RBFOX3: variants seen among roughly 807,000 people sequenced by gnomAD.
RBFOX3 encodes RNA binding protein fox-1 homolog 3.
In RBFOX3, 17 loss-of-function variants were observed where a neutral mutation model predicts 48.7. The observed-to-expected ratio is 0.35, with a 90% CI of 0.24 to 0.52. RBFOX3 has a LOEUF of 0.52. Ranked by LOEUF, RBFOX3 falls within the 20% of genes least tolerant of loss-of-function variation. The pLI is 0.94. For missense variants in RBFOX3, 382 were observed against 497.5 expected (o/e 0.77, Z 2.21); for synonymous variants, 212 against 209.5 (o/e 1.01, Z -0.10).
chr17:79,291,021 C>A (rs115813425), intron 3 of RBFOX3, among the ~76,000 whole-genome samples: 1 of 152,202 alleles, frequency 6.6e-6, no homozygotes, highest in Non-Finnish European at 1.5e-5. Context: ...GTGCTTCCCA[C>A]CCCTCTCCTG....
At chr17:79,367,024 C>A (rs114584897) in intron 2 of RBFOX3, among the ~76,000 whole-genome samples, 1 of 152,202 alleles carries the variant, frequency 6.6e-6, no homozygotes, top group Admixed American at 6.5e-5. Context: ...TCCAGAGCTA[C>A]GCAGAGGTCT....
intron 4 of RBFOX3, among the ~76,000 whole-genome samples, chr17:79,186,001 G>A (rs1162591033): frequency 2.6e-5 from 4 of 152,182 alleles, no homozygotes; most frequent in African/African-American, 9.7e-5. Flanking sequence ...CTGGGGTGTG[G>A]CCAGGGAAGG....
At chr17:79,503,837 G>T (rs1024785647) in intron 1 of RBFOX3, among the ~76,000 whole-genome samples, 26 of 152,350 alleles carry the variant, frequency 1.7e-4, no homozygotes, top group African/African-American at 3.8e-4. Flanking sequence ...CTGAAGGAGG[G>T]TGTTTGCCTG....
chr17:79,623,820 C>G, the RBFOX3 span, among the ~76,000 whole-genome samples: 1 of 129,480 alleles, frequency 7.7e-6, no homozygotes, highest in Admixed American at 7.2e-5. Flanking sequence ...TAAACTCTGT[C>G]TCTAAAAAAA....
At chr17:79,184,815 G>C (rs1438580101) in intron 4 of RBFOX3, among the ~76,000 whole-genome samples, 1 of 152,206 alleles carries the variant, frequency 6.6e-6, no homozygotes, top group Non-Finnish European at 1.5e-5. Context: ...GGAGATGGCT[G>C]GCCCGGCAGT....
rs1008816695 is a variant in RBFOX3, at chr17:79,091,915, C to T, written c.1078-1030G>A. On this transcript the variant is annotated intron_variant, in intron 14 of 14. Coordinates refer to ENST00000693108, the MANE Select transcript of RBFOX3 (RefSeq NM_001350451.2). ...CGTGACCACAGCAGTTTGCACACCA[C>T]GCGACACGCTTGTGACTACGTCGGC... 42 of 970,384 alleles carry T rather than the reference C, an allele frequency of 4.3e-5. No individual in the cohort carries two copies. In the African/African-American group the frequency reaches 6.0e-4, roughly 14 times the overall value. The allele number at this position is 970,384 out of a possible 1,614,324, so 60.1% of individuals were successfully genotyped here.
At chr17:79,180,009 AG>A (rs1217564766) in intron 4 of RBFOX3, among the ~76,000 whole-genome samples, 2 of 152,240 alleles carry the variant, frequency 1.3e-5, no homozygotes, top group Non-Finnish European at 2.9e-5. Context: ...AGTGTGGCCC[AG>A]GGTCACCCCT....
intron 1 of RBFOX3, among the ~76,000 whole-genome samples, chr17:79,493,105 C>T (rs1235194805): frequency 3.3e-5 from 5 of 152,082 alleles, no homozygotes; most frequent in African/African-American, 1.2e-4. Flanking sequence ...TCTCAGGAAG[C>T]TTCCACTCAT....
chr17:79,295,020 G>T (rs1325652538), intron 3 of RBFOX3, among the ~76,000 whole-genome samples: 1 of 152,134 alleles, frequency 6.6e-6, no homozygotes, highest in African/African-American at 2.4e-5. Context: ...CTTCCACTTC[G>T]ATCGTGATGT....
At chr17:79,168,006 C>G (rs1472761304) in intron 4 of RBFOX3, among the ~76,000 whole-genome samples, 1 of 152,246 alleles carries the variant, frequency 6.6e-6, no homozygotes, top group South Asian at 2.1e-4. Flanking sequence ...GGGTCCCCGG[C>G]TGGACCCCAG....
chr17:79,542,265 G>A (rs1044807292), intron 1 of RBFOX3, among the ~76,000 whole-genome samples: 9 of 152,156 alleles, frequency 5.9e-5, no homozygotes, highest in East Asian at 5.8e-4. Flanking sequence ...AAAAGGCAGC[G>A]GCTTCACCCT....
Position 79,090,854 on chromosome 17 carries a change from A to G in RBFOX3, c.*29T>C. 1.3e-6 allele frequency: 2 copies of G among 1,503,924 alleles called. No homozygotes were observed. The highest frequency in any genetic ancestry group is 1.3e-5 in the South Asian group (1 of 77,278). The allele number at this position is 1,503,924 out of a possible 1,614,324, so 93.2% of individuals were successfully genotyped here. On this transcript the variant is annotated 3_prime_UTR_variant, in exon 15 of 15. Transcript: ENST00000693108. ...TTTTGTTTTTTTGTTTTTGCCCTTC[A>G]TGGTCCGAGAAGGAAACGGTGGAAG...
intron 3 of RBFOX3, among the ~76,000 whole-genome samples, chr17:79,286,516 C>T (rs1291131917): frequency 6.6e-6 from 1 of 152,186 alleles, no homozygotes; most frequent in Non-Finnish European, 1.5e-5. Flanking sequence ...CACGCCCGGC[C>T]CCTGATGCTT....
chr17:79,621,861 A>T, the RBFOX3 span, among the ~76,000 whole-genome samples: 8,241 of 151,622 alleles, frequency 0.054, 743 homozygotes, highest in African/African-American at 0.19. Flanking sequence ...ACCCGTGTGA[A>T]GACACACACA....
chr17:79,577,069 T>C (rs2092887350), intron 1 of RBFOX3, among the ~76,000 whole-genome samples: 1 of 152,176 alleles, frequency 6.6e-6, no homozygotes. Context: ...ACTCACAGCA[T>C]GGAGGTCTCA....
intron 4 of RBFOX3, among the ~76,000 whole-genome samples, chr17:79,161,398 C>G (rs148136567): frequency 1.3e-5 from 2 of 152,334 alleles, no homozygotes; most frequent in Non-Finnish European, 2.9e-5. Context: ...GCACACACCC[C>G]GATCCCATCA....
At position 79,477,469 on chromosome 17, in the gene RBFOX3, T is replaced by C. The variant is rs1465496779; in HGVS notation, c.-175+4985A>G. Among the ~76,000 whole-genome samples the C allele has an allele frequency of 4.0e-5, 6 of 151,040 alleles. No individual in the cohort carries two copies. Among genetic ancestry groups the C allele is most frequent in the Admixed American group, 6.6e-5 (1 of 15,162 alleles). On this transcript the variant is annotated intron_variant, in intron 2 of 14. Coordinates refer to ENST00000693108, the MANE Select transcript of RBFOX3 (RefSeq NM_001350451.2). This position sits in a 1 kb window ranked among gnomAD's most constrained non-coding sequence, Gnocchi z 4.8. ...TACTTGGGAGGCTGAGGCAGGAGAA[T>C]GGCGTGAACCCGGGAGGCGGAGTTT...
the RBFOX3 span, among the ~76,000 whole-genome samples, chr17:79,640,680 G>T: frequency 1.3e-4 from 20 of 151,926 alleles, no homozygotes; most frequent in Non-Finnish European, 1.5e-5. Context: ...TTCAACAAGG[G>T]TGCCAAAAAC....
In RBFOX3 at chr17:79,483,015, G is replaced by C. The variant is rs1317678529; in HGVS notation, c.-319-417C>G. Reference sequence around the variant, plus strand: ...TAGATTCCAGGACCCACCACTGTCCGCACTCTCCCAGCTACTTTGTCCCTC... The same window carrying C: ...TAGATTCCAGGACCCACCACTGTCCCCACTCTCCCAGCTACTTTGTCCCTC... On this transcript the variant is annotated intron_variant, in intron 1 of 14. Transcript: ENST00000693108. Among the ~76,000 whole-genome samples the C allele has an allele frequency of 2.0e-5, 3 of 151,408 alleles. 1 individual carries two copies. Among genetic ancestry groups the C allele is most frequent in the Non-Finnish European group, 2.9e-5 (2 of 67,904 alleles).
Sources: gnomAD v4.1 joint callset for allele counts (sites outside exome capture counted in the v4.1 genomes callset) on GRCh38, gnomAD v4.1.1 for gene constraint, Gnocchi (gnomAD v3.1) non-coding constraint, MANE v1.5 for transcripts, NCBI Gene and HGNC (gene_info 2026-07-23, HGNC 2026-07-21) for gene names.